The following SH2D4A variants were observed in gnomAD, a reference collection of about 807,000 sequenced individuals.
The protein encoded by SH2D4A is SH2 domain containing 4A, also known as SH2 domain-containing protein 4A.
Under a neutral mutation model 64.7 loss-of-function variants are expected in SH2D4A, and 70 were observed. The observed-to-expected ratio is 1.08, with a 90% CI of 0.89 to 1.32. The LOEUF (loss-of-function observed/expected upper bound fraction) is 1.32, where lower values mean the gene tolerates loss of function less well. Ranked by LOEUF, SH2D4A falls within the 40% of genes most tolerant of loss-of-function variation. SH2D4A has a pLI of 0.00. For missense variants in SH2D4A, 706 were observed against 540.1 expected (o/e 1.31, Z -3.04); for synonymous variants, 268 against 200.7 (o/e 1.34, Z -2.83).
At chr8:19,361,417 G>T in intron 6 of SH2D4A, 103 bp downstream of exon 6, 1 of 1,192,474 alleles carries the variant, frequency 8.4e-7, no homozygotes, top group East Asian at 2.9e-5. Flanking sequence ...GTTGTTGAGA[G>T]ATATGTTCAC....
intron 8 of SH2D4A, among the ~76,000 whole-genome samples, chr8:19,384,036 C>A (rs2053343455): frequency 6.6e-6 from 1 of 152,174 alleles, no homozygotes; most frequent in South Asian, 2.1e-4. Context: ...AGTTTAAGTT[C>A]ATCTCTCCTG....
At chr8:19,314,457 G>A (rs2052051929) in intron 1 of SH2D4A, among the ~76,000 whole-genome samples, 1 of 152,094 alleles carries the variant, frequency 6.6e-6, no homozygotes, top group Non-Finnish European at 1.5e-5. Flanking sequence ...GCAGCGGCGG[G>A]GCTGGCCCAG....
intron 8 of SH2D4A, among the ~76,000 whole-genome samples, chr8:19,390,736 T>G (rs1317085382): frequency 6.6e-6 from 1 of 152,192 alleles, no homozygotes; most frequent in Non-Finnish European, 1.5e-5. Context: ...CACTATGACC[T>G]GTGCTTTGCC....
intron 4 of SH2D4A, among the ~76,000 whole-genome samples, chr8:19,345,647 A>G (rs944885458): frequency 6.6e-6 from 1 of 152,244 alleles, no homozygotes; most frequent in Non-Finnish European, 1.5e-5. Context: ...CTTTTGGTCC[A>G]CCTGGGTAAT....
At position 19,364,167 on chromosome 8, in the gene SH2D4A, A is replaced by C. The variant is rs1414376707; in HGVS notation, c.802A>C (p.Arg268=). 2 of 1,614,140 alleles carry C rather than the reference A, an allele frequency of 1.2e-6. No individual in the cohort carries two copies. Among genetic ancestry groups the C allele is most frequent in the South Asian group, 1.1e-5 (1 of 91,080 alleles). ...KRLSLGAQKG[R]GGERLQSPLR... ...GTTATCCCTCGGGGCCCAGAAAGGA[A>C]GAGGCGGTGAGAGGCTGCAAAGCCC... The change falls in exon 7 of 10, where the codon AGA becomes CGA. Residue 268 remains arginine (R), a synonymous_variant. Coordinates refer to ENST00000265807, the MANE Select transcript of SH2D4A (RefSeq NM_022071.4).
At chr8:19,390,165 G>T (rs1316728806) in intron 8 of SH2D4A, among the ~76,000 whole-genome samples, 3 of 152,156 alleles carry the variant, frequency 2.0e-5, no homozygotes, top group East Asian at 3.9e-4. Context: ...CAGATCATTT[G>T]AGGCCAGGAG....
intron 4 of SH2D4A, among the ~76,000 whole-genome samples, chr8:19,356,636 A>T (rs1214255567): frequency 6.6e-6 from 1 of 152,182 alleles, no homozygotes; most frequent in Non-Finnish European, 1.5e-5. Context: ...TGGGAACCCC[A>T]GTGGGGAGGT....
intron 4 of SH2D4A, among the ~76,000 whole-genome samples, chr8:19,339,564 A>G (rs1043058888): frequency 8.0e-5 from 12 of 149,320 alleles, no homozygotes; most frequent in African/African-American, 3.0e-4. Flanking sequence ...CAGTGGTGCA[A>G]TCATAGCTCA....
intron 8 of SH2D4A, 142 bp from the exon 9 acceptor site, chr8:19,393,176 G>A: frequency 2.8e-6 from 2 of 703,860 alleles, no homozygotes; most frequent in Admixed American, 5.2e-5. Context: ...GTATTCCTAA[G>A]AAGCCCAAAA....
chr8:19,394,191 C>T (rs764148566), intron 9 of SH2D4A, among the ~76,000 whole-genome samples: 2 of 152,124 alleles, frequency 1.3e-5, no homozygotes, highest in African/African-American at 4.8e-5. Flanking sequence ...GGAGGCAGAG[C>T]TCAGGCGATA....
In SH2D4A at chr8:19,383,265, C is replaced by G. The variant is rs145194139; in HGVS notation, c.1048+9605C>G. On this transcript the variant is annotated intron_variant, in intron 8 of 9. Coordinates refer to ENST00000265807, the MANE Select transcript of SH2D4A (RefSeq NM_022071.4). ...TATTTTGTTCTTTCTGTTCCTCAAA[C>G]TCAGTAACATCCATTGTCCTATCTT... 1.0e-3 allele frequency among the ~76,000 whole-genome samples: 155 copies of G among 152,232 alleles called. 1 individual carries two copies. Among genetic ancestry groups the G allele is most frequent in the African/African-American group, 3.5e-3 (146 of 41,560 alleles).
At chr8:19,318,274 A>G (rs564942689) in intron 1 of SH2D4A, among the ~76,000 whole-genome samples, 1 of 152,304 alleles carries the variant, frequency 6.6e-6, no homozygotes, top group African/African-American at 2.4e-5. Context: ...ATATCTTATT[A>G]CATCGAATCC....
chr8:19,384,115 A>C (rs2053344686), intron 8 of SH2D4A, among the ~76,000 whole-genome samples: 1 of 152,186 alleles, frequency 6.6e-6, no homozygotes, highest in South Asian at 2.1e-4. Context: ...AATAGATTGT[A>C]ATTACTGCAA....
chr8:19,394,913 CATAAA>C lies in SH2D4A; in HGVS notation c.*278_*282del, dbSNP rs1233417296. ...TGAAGGGTATGACCTTAATGATGTACATAAAATAAAACAAATGAAGAAATGGAAAA... is the reference window on the plus strand; with the variant it reads ...TGAAGGGTATGACCTTAATGATGTACATAAAACAAATGAAGAAATGGAAAA... On this transcript the variant is annotated 3_prime_UTR_variant, in exon 10 of 10. Coordinates refer to ENST00000265807, the MANE Select transcript of SH2D4A (RefSeq NM_022071.4). 6 of 273,726 alleles carry C rather than the reference CATAAA, an allele frequency of 2.2e-5. No individual in the cohort carries two copies. The highest frequency in any genetic ancestry group is 6.4e-5 in the East Asian group (1 of 15,618). The allele number at this position is 273,726 out of a possible 1,614,324, so 17.0% of individuals were successfully genotyped here. A position where few individuals can be genotyped will look rare whatever the true frequency, so the allele number is the denominator to read the frequency against.
At chr8:19,363,885 C>A in intron 6 of SH2D4A, 187 bp from the exon 7 acceptor site, 1 of 607,500 alleles carries the variant, frequency 1.6e-6, no homozygotes, top group Non-Finnish European at 2.9e-6. Context: ...AGAGAGGAAT[C>A]CTGCAGCGAA....
At position 19,357,134 on chromosome 8, in the gene SH2D4A, T is replaced by C. The variant is rs545535675; in HGVS notation, c.514-69T>C. 8.0e-5 allele frequency: 102 copies of C among 1,269,494 alleles called. 1 individual carries two copies. The South Asian group carries it at 1.1e-3, about 14-fold the overall frequency. The allele number at this position is 1,269,494 out of a possible 1,614,324, so 78.6% of individuals were successfully genotyped here. The stretch of plus-strand genomic sequence containing the variant: ...CAGCATTAGGGAAACCAGGGAAACA[T>C]TGACAGATTATCTTATGAAACTGCA... On this transcript the variant is annotated intron_variant, in intron 4 of 9. Transcript: ENST00000265807.
chr8:19,356,395 G>C (rs988977307), intron 4 of SH2D4A, among the ~76,000 whole-genome samples: 2 of 152,290 alleles, frequency 1.3e-5, no homozygotes, highest in East Asian at 3.9e-4. Flanking sequence ...TAAGAACTCA[G>C]ACACAAGGCA....
intron 5 of SH2D4A, among the ~76,000 whole-genome samples, chr8:19,360,299 T>G (rs2052860776): frequency 6.6e-6 from 1 of 151,780 alleles, no homozygotes; most frequent in South Asian, 2.1e-4. Flanking sequence ...TTTTCTGTTT[T>G]TTTTTTTTTT....
chr8:19,334,606 T>G (rs1237189857), intron 3 of SH2D4A, 80 bp from the exon 4 acceptor site: 3 of 1,452,212 alleles, frequency 2.1e-6, no homozygotes, highest in African/African-American at 2.9e-5. Context: ...TTCACATAAT[T>G]TGAATGTCGA....
Sources: allele counts gnomAD v4.1 joint callset (sites outside exome capture counted in the v4.1 genomes callset), GRCh38; gene constraint gnomAD v4.1.1; transcripts MANE v1.5; gene names NCBI Gene and HGNC (gene_info 2026-07-23, HGNC 2026-07-21).